Variants in AZIN2 observed in about 807,000 individuals in gnomAD.
AZIN2 encodes the protein ODC antizyme inhibitor-2.
A neutral mutation model predicts 47.8 loss-of-function variants in AZIN2; 28 were observed. The observed-to-expected ratio is 0.59, with a 90% CI of 0.43 to 0.80. AZIN2 has a LOEUF of 0.80. Ranked by LOEUF, AZIN2 falls within the 30% of genes least tolerant of loss-of-function variation. AZIN2 has a pLI of 0.00. For missense variants in AZIN2, 535 were observed against 582.5 expected, an observed-to-expected ratio of 0.92 and a Z score of 0.84; for synonymous variants, 221 against 239.4, an observed-to-expected ratio of 0.92 and a Z score of 0.71.
the AZIN2 span, chr1:33,147,010 A>T: frequency 1.5e-6 from 1 of 659,990 alleles, no homozygotes; most frequent in South Asian, 1.9e-5. This position sits in a 1 kb window ranked among gnomAD's most constrained non-coding sequence, Gnocchi z 8.1. Flanking sequence ...AGAGTTTAGG[A>T]AGTAGGGAAT....
At chr1:33,107,836 TAAATG>T (rs144288923) in intron 10 of AZIN2, among the ~76,000 whole-genome samples, 5,888 of 152,100 alleles carry the variant, frequency 0.039, 314 homozygotes, top group African/African-American at 0.12. Context: ...AGGACATAAA[TAAATG>T]GAAAGATACC....
chr1:33,149,535 G>A, the AZIN2 span, among the ~76,000 whole-genome samples: 1 of 152,080 alleles, frequency 6.6e-6, no homozygotes, highest in African/African-American at 2.4e-5. Context: ...GCTCATTGGA[G>A]CCTCCAACTC....
the AZIN2 span, among the ~76,000 whole-genome samples, chr1:33,162,145 A>G: frequency 1.3e-5 from 2 of 152,286 alleles, no homozygotes; most frequent in South Asian, 2.1e-4. Context: ...TAAAGTGCCA[A>G]CTGAATCACA....
chr1:33,107,443 G>A (rs945175181), intron 10 of AZIN2, among the ~76,000 whole-genome samples: 3 of 151,676 alleles, frequency 2.0e-5, no homozygotes, highest in Non-Finnish European at 4.4e-5. Flanking sequence ...AGCTGGGCAC[G>A]GTGATGGGTG....
the AZIN2 span, among the ~76,000 whole-genome samples, chr1:33,139,202 C>CG: frequency 6.6e-6 from 1 of 152,092 alleles, no homozygotes; most frequent in African/African-American, 2.4e-5. Context: ...ATCTAGGTGT[C>CG]GGGGGAATGA....
intron 5 of AZIN2, 132 bp from the exon 6 acceptor site, chr1:33,091,918 G>T: frequency 1.1e-6 from 1 of 884,598 alleles, no homozygotes; most frequent in Non-Finnish European, 1.8e-6. Context: ...TGTATCTGTT[G>T]TCTTAGAGCA....
chr1:33,139,382 C>T, the AZIN2 span, among the ~76,000 whole-genome samples: 1 of 152,300 alleles, frequency 6.6e-6, no homozygotes, highest in South Asian at 2.1e-4. Flanking sequence ...GCATGCAAAA[C>T]CATAGGACAG....
chr1:33,093,439 AT>A (rs1310150194), intron 7 of AZIN2, 23 bp downstream of exon 7: 1 of 1,609,250 alleles, frequency 6.2e-7, no homozygotes, highest in Non-Finnish European at 8.5e-7. Flanking sequence ...AACCCCTGCC[AT>A]CCCCTCCCAC....
At chr1:33,115,275 G>C (rs893009220) in intron 10 of AZIN2, among the ~76,000 whole-genome samples, 5 of 152,188 alleles carry the variant, frequency 3.3e-5, no homozygotes, top group Non-Finnish European at 1.5e-5. Context: ...TCACAGAGGG[G>C]CCTAGTGGCT....
chr1:33,082,533 C>G (rs1285617495), intron 4 of AZIN2, 179 bp downstream of exon 4: 1 of 542,064 alleles, frequency 1.8e-6, no homozygotes, highest in Non-Finnish European at 3.2e-6. Flanking sequence ...CAAACCTGCC[C>G]CTCCTATGTT....
At chr1:33,092,249 G>A (rs1000016877) in intron 6 of AZIN2, 27 bp downstream of exon 6, 4 of 1,602,566 alleles carry the variant, frequency 2.5e-6, no homozygotes, top group Non-Finnish European at 3.4e-6. Flanking sequence ...TCATGGGGAG[G>A]CTGGGCTGTG....
At chr1:33,094,830 G>A in intron 8 of AZIN2, 117 bp downstream of exon 8, 1 of 1,112,646 alleles carries the variant, frequency 9.0e-7, no homozygotes, top group Non-Finnish European at 1.3e-6. Flanking sequence ...GCAGTGCTTG[G>A]TGCTTACCTG....
chr1:33,104,125 T>A (rs151327926), intron 10 of AZIN2, among the ~76,000 whole-genome samples: 1,976 of 152,266 alleles, frequency 0.013, 42 homozygotes, highest in African/African-American at 0.045. Flanking sequence ...TCAAGTGATC[T>A]GCCCGCCTCG....
chr1:33,096,537 A>T (rs952717530), intron 8 of AZIN2, among the ~76,000 whole-genome samples, 170 bp from the exon 9 acceptor site: 4 of 152,116 alleles, frequency 2.6e-5, no homozygotes, highest in African/African-American at 9.7e-5. Context: ...TCCCCCTCCT[A>T]CCTTCTTGGC....
At chr1:33,145,582 T>A in the AZIN2 span, 1 of 181,888 alleles carries the variant, frequency 5.5e-6, no homozygotes, top group South Asian at 1.0e-4. Context: ...AAGAACCCCC[T>A]GTGTTTAGCT....
At chr1:33,135,142 T>C in the AZIN2 span, among the ~76,000 whole-genome samples, 1 of 152,094 alleles carries the variant, frequency 6.6e-6, no homozygotes, top group African/African-American at 2.4e-5. Context: ...AAAAAAAATT[T>C]AGCCGGGCAT....
chr1:33,140,301 G>C, the AZIN2 span, among the ~76,000 whole-genome samples: 2 of 152,342 alleles, frequency 1.3e-5, no homozygotes, highest in South Asian at 2.1e-4. This position sits in a 1 kb window ranked among gnomAD's most constrained non-coding sequence, Gnocchi z 4.0. Flanking sequence ...GCCCCACCCT[G>C]GTGAGAGGCA....
At chr1:33,132,398 A>G in the AZIN2 span, among the ~76,000 whole-genome samples, 1 of 152,236 alleles carries the variant, frequency 6.6e-6, no homozygotes, top group Non-Finnish European at 1.5e-5. Context: ...GTGATTGGAC[A>G]TGGCTGTGTT....
the AZIN2 span, chr1:33,145,598 G>A: frequency 4.5e-5 from 9 of 200,044 alleles, no homozygotes; most frequent in South Asian, 4.6e-4. Flanking sequence ...TAGCTCTTCC[G>A]GCTACTTTGG....
Sources: gnomAD v4.1 joint callset for allele counts (sites outside exome capture counted in the v4.1 genomes callset) on GRCh38, gnomAD v4.1.1 for gene constraint, Gnocchi (gnomAD v3.1) non-coding constraint, MANE v1.5 for transcripts, NCBI Gene and HGNC (gene_info 2026-07-23, HGNC 2026-07-21) for gene names.